ZNF469: variants seen among roughly 807,000 people sequenced by gnomAD.
ZNF469 encodes zinc finger protein 469.
A neutral mutation model predicts 1.0 loss-of-function variants in ZNF469; 1 was observed. That is an observed-to-expected ratio of 1.00 (90% CI 0.35 to 4.73). The LOEUF is 4.73. Among genes scored for constraint, ZNF469 ranks in the 30% most tolerant of loss-of-function variants. The probability of loss-of-function intolerance (pLI) is 0.16; values close to 1 mark genes in which losing one functional copy is unlikely to be tolerated. For synonymous variants in ZNF469, 2,703 were observed against 2,363.4 expected (o/e 1.14, Z -4.17); for missense variants, 6,100 against 5,356.3 (o/e 1.14, Z -4.33).
the ZNF469 span, among the ~76,000 whole-genome samples, chr16:88,179,727 A>G: frequency 2.6e-4 from 40 of 152,226 alleles, no homozygotes; most frequent in Admixed American, 7.2e-4. Flanking sequence ...AAATGGGTGC[A>G]TTTTATGTAT....
At chr16:88,234,494 T>C in the ZNF469 span, among the ~76,000 whole-genome samples, 113,781 of 152,206 alleles carry the variant, frequency 0.75, 44,191 homozygotes, top group Middle Eastern at 0.87. Context: ...TAAGCCAGTT[T>C]CCACCTCCCA....
At chr16:88,287,012 C>T in the ZNF469 span, among the ~76,000 whole-genome samples, 1 of 152,186 alleles carries the variant, frequency 6.6e-6, no homozygotes. Flanking sequence ...TTTTCTTATT[C>T]TTTTGCTTTT....
chr16:88,340,751 G>T, the ZNF469 span, among the ~76,000 whole-genome samples: 1 of 152,018 alleles, frequency 6.6e-6, no homozygotes, highest in Non-Finnish European at 1.5e-5. Flanking sequence ...TCAGCAGAGG[G>T]GAGGGTGGGT....
At chr16:88,292,798 CAAA>C in the ZNF469 span, among the ~76,000 whole-genome samples, 880 of 111,076 alleles carry the variant, frequency 7.9e-3, 7 homozygotes, top group African/African-American at 0.029. Context: ...CCTGTGTTAT[CAAA>C]AAAAAAAAAA....
chr16:88,240,307 T>C, the ZNF469 span, among the ~76,000 whole-genome samples: 16 of 152,224 alleles, frequency 1.1e-4, no homozygotes, highest in East Asian at 3.1e-3. Context: ...GGAAGTCCAG[T>C]CATTCCTCTA....
At chr16:88,167,949 C>A in the ZNF469 span, among the ~76,000 whole-genome samples, 1 of 152,230 alleles carries the variant, frequency 6.6e-6, no homozygotes, top group African/African-American at 2.4e-5. Context: ...TGAACACTGC[C>A]CCCCTCCAAA....
At chr16:88,422,613 G>A (rs1905510880) in intron 1 of ZNF469, among the ~76,000 whole-genome samples, 1 of 146,982 alleles carries the variant, frequency 6.8e-6, no homozygotes, top group African/African-American at 2.5e-5. Context: ...GGGTGGATGA[G>A]TGGGTGGGTA....
At chr16:88,248,010 C>G in the ZNF469 span, among the ~76,000 whole-genome samples, 1 of 152,280 alleles carries the variant, frequency 6.6e-6, no homozygotes, top group South Asian at 2.1e-4. Flanking sequence ...ATCAGAGCAG[C>G]CAGCCTCAAC....
upstream of ZNF469, among the ~76,000 whole-genome samples, chr16:88,380,283 G>A (rs111164431): frequency 1.9e-3 from 174 of 90,594 alleles, no homozygotes; most frequent in Admixed American, 3.9e-3. Context: ...ACCCAGACAT[G>A]CACACACACA....
chr16:88,402,460 TG>T (rs1414166265), intron 1 of ZNF469, among the ~76,000 whole-genome samples: 2 of 152,072 alleles, frequency 1.3e-5, no homozygotes, highest in Admixed American at 6.5e-5. Context: ...GGAGACAGTC[TG>T]GGGGCACCAG....
At chr16:88,110,939 C>A in the ZNF469 span, among the ~76,000 whole-genome samples, 2 of 152,260 alleles carry the variant, frequency 1.3e-5, no homozygotes, top group African/African-American at 4.8e-5. Context: ...AGACCCGGGC[C>A]AGCAATGGCA....
the ZNF469 span, among the ~76,000 whole-genome samples, chr16:88,103,770 G>A: frequency 6.7e-4 from 101 of 150,770 alleles, no homozygotes; most frequent in Non-Finnish European, 1.4e-3. Context: ...GGGGTGGGTG[G>A]AATAATCCTC....
chr16:88,279,851 T>G, the ZNF469 span, among the ~76,000 whole-genome samples: 6 of 85,254 alleles, frequency 7.0e-5, 1 homozygote, highest in South Asian at 4.7e-4. Flanking sequence ...TGTGCCATGC[T>G]GACACTCGGT....
Position 88,424,089 on chromosome 16 carries a change from C to T in ZNF469, c.-191-718C>T, listed in dbSNP as rs1419991474. On this transcript the variant is annotated intron_variant, in intron 1 of 2. Transcript: ENST00000565624. This position sits in a 1 kb window ranked among gnomAD's most constrained non-coding sequence, Gnocchi z 4.3. ...AGCTAGGCCCACAGCGTTTGGAGCA[C>T]AGGCTGTCGCCATGTGGTGACCATT... is the stretch of plus-strand genomic sequence containing the variant. Among the ~76,000 whole-genome samples, 2 of 152,272 alleles carry T rather than the reference C, an allele frequency of 1.3e-5. No homozygotes were observed. Among genetic ancestry groups the T allele is most frequent in the East Asian group, 3.8e-4 (2 of 5,196 alleles).
In ZNF469 at chr16:88,437,847, G is replaced by A. The variant is rs910515287; in HGVS notation, c.10377G>A (p.Pro3459=). 11 of 1,539,958 alleles carry A rather than the reference G, an allele frequency of 7.1e-6. No individual in the cohort carries two copies. The highest frequency in any genetic ancestry group is 4.1e-5 in the African/African-American group (3 of 72,728). ...GCGGCGTGCGGAGGCCGGGAGCGCC[G>A]GGACAGAAGGCCCGGGCCCTCGAGG... The part of the protein sequence containing the change: ...AFRGVRRPGA[P]GQKARALEGT... The change falls in exon 3 of 3, where the codon CCG becomes CCA. Residue 3459 remains proline, a synonymous_variant. Transcript: ENST00000565624.
the ZNF469 span, chr16:88,101,033 G>C: frequency 4.3e-6 from 1 of 230,968 alleles, no homozygotes; most frequent in East Asian, 1.6e-4. Flanking sequence ...CACACCACAG[G>C]GGATGGGCGC....
the ZNF469 span, among the ~76,000 whole-genome samples, chr16:88,147,448 G>A: frequency 2.6e-5 from 4 of 152,066 alleles, no homozygotes; most frequent in African/African-American, 4.8e-5. Context: ...GGGGAGCACC[G>A]ACTGGGGTCC....
chr16:88,235,714 GA>G, the ZNF469 span, among the ~76,000 whole-genome samples: 3 of 152,216 alleles, frequency 2.0e-5, no homozygotes, highest in South Asian at 4.1e-4. Flanking sequence ...ACTTGTTGCT[GA>G]AAAAAACATC....
At chr16:88,173,659 T>G in the ZNF469 span, among the ~76,000 whole-genome samples, 1 of 152,208 alleles carries the variant, frequency 6.6e-6, no homozygotes, top group African/African-American at 2.4e-5. Flanking sequence ...TTATAGTATA[T>G]GTGGAAGTAA....
Sources: gnomAD v4.1 joint callset for allele counts (sites outside exome capture counted in the v4.1 genomes callset) on GRCh38, gnomAD v4.1.1 for gene constraint, Gnocchi (gnomAD v3.1) non-coding constraint, MANE v1.5 for transcripts, NCBI Gene and HGNC (gene_info 2026-07-23, HGNC 2026-07-21) for gene names.